The following CIITA variants were observed in gnomAD, a reference collection of about 807,000 sequenced individuals.
The protein encoded by CIITA is class II major histocompatibility complex transactivator.
Under a neutral mutation model 115.1 loss-of-function variants are expected in CIITA, and 72 were observed. That is an observed-to-expected ratio of 0.63 (90% confidence interval 0.52 to 0.76). CIITA has a LOEUF of 0.76. Among genes scored for constraint, CIITA ranks in the 30% least tolerant of loss-of-function variants. The pLI, the probability that CIITA is intolerant of heterozygous loss-of-function variation, is 0.00. For missense variants in CIITA, 1,617 were observed against 1,463.8 expected (o/e 1.10, Z -1.71); for synonymous variants, 763 against 635.6 (o/e 1.20, Z -3.02).
chr16:10,902,844 C>T (rs1352169296), intron 8 of CIITA, 43 bp downstream of exon 8: 1 of 1,611,310 alleles, frequency 6.2e-7, no homozygotes, highest in Non-Finnish European at 8.5e-7. Flanking sequence ...TCCCTCCTAC[C>T]TGACTGCTCC....
intron 13 of CIITA, among the ~76,000 whole-genome samples, chr16:10,911,443 TTTTC>T (rs542074362): frequency 8.5e-4 from 128 of 150,716 alleles, no homozygotes; most frequent in Non-Finnish European, 1.5e-3. Context: ...TCTTTCCTTC[TTTTC>T]TTTCTTTCCT....
Position 10,929,391 on chromosome 16 carries a change from A to G in CIITA, c.*5536A>G, listed in dbSNP as rs1053285147. 3.0e-6 allele frequency: 3 copies of G among 985,810 alleles called. No homozygotes were observed. Among genetic ancestry groups the G allele is most frequent in the African/African-American group, 3.5e-5 (2 of 57,228 alleles). The allele number at this position is 985,810 out of a possible 1,614,324, so 61.1% of individuals were successfully genotyped here. ...AATAATCAGAAGCCAAGGCCAGGCC[A>G]TCGATTTGACACTGCAGGCAGATGA... On this transcript the variant is annotated 3_prime_UTR_variant, in exon 20 of 20. Coordinates refer to ENST00000324288, the MANE Select transcript of CIITA (RefSeq NM_000246.4). This position sits in a 1 kb window ranked among gnomAD's most constrained non-coding sequence, Gnocchi z 4.3.
upstream of CIITA, among the ~76,000 whole-genome samples, chr16:10,875,150 G>C (rs2035746289): frequency 6.6e-6 from 1 of 151,952 alleles, no homozygotes; most frequent in African/African-American, 2.4e-5. Flanking sequence ...GTAGAGAAAG[G>C]ATTTTGCCAC....
At chr16:10,911,360 CTCTCTG>C (rs1369076922) in intron 13 of CIITA, among the ~76,000 whole-genome samples, 86 of 89,762 alleles carry the variant, frequency 9.6e-4, no homozygotes, top group Middle Eastern at 5.1e-3. Flanking sequence ...CTTTTTCTTT[CTCTCTG>C]TTTCTTTCTT....
At position 10,896,504 on chromosome 16, in the gene CIITA, G is replaced by T. The variant is rs1328971487; in HGVS notation, c.295+740G>T. Among the ~76,000 whole-genome samples the T allele has an allele frequency of 4.6e-5, 7 of 152,192 alleles. No homozygotes were observed. The East Asian group carries it at 1.2e-3, about 25-fold the overall frequency. On this transcript the variant is annotated intron_variant, in intron 3 of 19. Coordinates refer to ENST00000324288, the MANE Select transcript of CIITA (RefSeq NM_000246.4). ...GGGGAGAGGTGGTGGTGGTGTTGCT[G>T]CTAGTGGTTTGTTTTTTGGGGGAGA...
chr16:10,919,257 G>T lies in CIITA; in HGVS notation c.3149+731G>T, dbSNP rs1381702093. On this transcript the variant is annotated intron_variant, in intron 16 of 19. Transcript: ENST00000324288. ...CACCCAGGCTGGAGTGAAGTGGTGT[G>T]ATCTCAGCTCACTGCAACTTCTGCC... Among the ~76,000 whole-genome samples the T allele has an allele frequency of 1.1e-4, 11 of 97,792 alleles. No homozygotes were observed. The Admixed American group carries it at 1.4e-3, about 12-fold the overall frequency. The allele number at this position is 97,792 out of a possible 152,430, so 64.2% of individuals were successfully genotyped here.
chr16:10,888,509 C>CG (rs1241300927), intron 1 of CIITA: 1 of 152,238 alleles, frequency 6.6e-6, no homozygotes, highest in Non-Finnish European at 1.5e-5. Flanking sequence ...TGATTTCCCT[C>CG]GGGGGAGAGA....
At chr16:10,910,953 G>A (rs922174202) in intron 13 of CIITA, among the ~76,000 whole-genome samples, 6 of 145,626 alleles carry the variant, frequency 4.1e-5, no homozygotes, top group East Asian at 2.1e-4. Context: ...AAAACTGAAA[G>A]TCTTGCATCC....
chr16:10,917,084 A>G lies in CIITA; in HGVS notation c.3062+625A>G, dbSNP rs1329101354. On this transcript the variant is annotated intron_variant, in intron 15 of 19. Transcript: ENST00000324288. ...AGGAGAGATAGATTAGGATTTATCA[A>G]TAAAGCATTATTATCAAAACAGTAA... 9 of 218,570 alleles carry G rather than the reference A, an allele frequency of 4.1e-5. No individual in the cohort carries two copies. The Admixed American group carries it at 5.1e-4, about 12-fold the overall frequency. The allele number at this position is 218,570 out of a possible 1,614,324, so 13.5% of individuals were successfully genotyped here.
intron 1 of CIITA, chr16:10,888,173 A>T (rs968158899): frequency 1.3e-5 from 2 of 152,252 alleles, no homozygotes; most frequent in Admixed American, 1.3e-4. Context: ...GCTACTGTTC[A>T]TTGAGCACTT....
At chr16:10,869,209 C>G (rs1164946825) in intron 1 of CIITA, among the ~76,000 whole-genome samples, 1 of 152,192 alleles carries the variant, frequency 6.6e-6, no homozygotes, top group Non-Finnish European at 1.5e-5. Flanking sequence ...GGACAATGGC[C>G]CACAAGGCCT....
intron 12 of CIITA, among the ~76,000 whole-genome samples, chr16:10,909,647 C>A (rs1445604414): frequency 3.3e-5 from 5 of 152,246 alleles, no homozygotes; most frequent in African/African-American, 1.2e-4. Flanking sequence ...TTGAGCGCCT[C>A]TTAAGTGCTG....
chr16:10,932,564 G>A lies in CIITA; in HGVS notation c.*8709G>A, dbSNP rs1808357806. On this transcript the variant is annotated 3_prime_UTR_variant, in exon 20 of 20. Transcript: ENST00000324288. Reference sequence around the variant, plus strand: ...TGAGATGGGGGTATCCAATCTTTTGGCTTCCCTGGGCCACAGTGGAAGAAC... The same window carrying A: ...TGAGATGGGGGTATCCAATCTTTTGACTTCCCTGGGCCACAGTGGAAGAAC... 1 of 151,784 alleles carries A rather than the reference G, an allele frequency of 6.6e-6. No individual in the cohort carries two copies. Among genetic ancestry groups the A allele is most frequent in the South Asian group, 2.1e-4 (1 of 4,808 alleles). The allele number at this position is 151,784 out of a possible 1,614,324, so 9.4% of individuals were successfully genotyped here.
chr16:10,929,310 G>C lies in CIITA; in HGVS notation c.*5455G>C. The C allele has an allele frequency of 3.0e-6, 3 of 985,960 alleles. No individual in the cohort carries two copies. Among genetic ancestry groups the C allele is most frequent in the Non-Finnish European group, 3.6e-6 (3 of 829,976 alleles). 61.1% of individuals were successfully genotyped at this position (985,960 alleles called of 1,614,324 possible). ...GGGGGAAGCAGGTGCGCTCCGGGAT[G>C]AAGTGCAGGGAGGCAAACTCTGGCT... On this transcript the variant is annotated 3_prime_UTR_variant, in exon 20 of 20. Coordinates refer to ENST00000324288, the MANE Select transcript of CIITA (RefSeq NM_000246.4). This position sits in a 1 kb window ranked among gnomAD's most constrained non-coding sequence, Gnocchi z 4.3.
chr16:10,883,751 A>G (rs1411226940), intron 1 of CIITA, among the ~76,000 whole-genome samples: 1 of 152,230 alleles, frequency 6.6e-6, no homozygotes, highest in African/African-American at 2.4e-5. Context: ...GGACATTCAC[A>G]GGAGGGAACA....
intron 13 of CIITA, among the ~76,000 whole-genome samples, chr16:10,911,131 C>T (rs1273648910): frequency 6.6e-6 from 1 of 152,148 alleles, no homozygotes; most frequent in African/African-American, 2.4e-5. Flanking sequence ...GGCAGCCCAC[C>T]ATACATGGGC....
Position 10,930,555 on chromosome 16 carries a change from G to A in CIITA, c.*6700G>A, listed in dbSNP as rs183784128. On this transcript the variant is annotated 3_prime_UTR_variant, in exon 20 of 20. Coordinates refer to ENST00000324288, the MANE Select transcript of CIITA (RefSeq NM_000246.4). ...AGGTTCTTATCATTTAATAGGATAAGAAATTGAGGTTCAGAGAAGCCAAGT... is the reference window on the plus strand; with the variant it reads ...AGGTTCTTATCATTTAATAGGATAAAAAATTGAGGTTCAGAGAAGCCAAGT... 127 of 152,354 alleles carry A rather than the reference G, an allele frequency of 8.3e-4. No individual in the cohort carries two copies. Among genetic ancestry groups the A allele is most frequent in the African/African-American group, 3.0e-3 (125 of 41,580 alleles). The allele number at this position is 152,354 out of a possible 1,614,324, so 9.4% of individuals were successfully genotyped here. A position where few individuals can be genotyped will look rare whatever the true frequency, so the allele number is the denominator to read the frequency against.
chr16:10,904,889 T>G (rs926379706), intron 10 of CIITA, 77 bp downstream of exon 10: 2 of 1,434,968 alleles, frequency 1.4e-6, no homozygotes, highest in Non-Finnish European at 9.8e-7. Flanking sequence ...CTCATTCACT[T>G]GACACTTATT....
Position 10,902,769 on chromosome 16 carries a change from G to A in CIITA, c.740G>A (p.Gly247Glu), listed in dbSNP as rs2038873856. 6 of 1,614,188 alleles carry A rather than the reference G, an allele frequency of 3.7e-6. No individual in the cohort carries two copies. The highest frequency in any genetic ancestry group is 3.3e-4 in the Middle Eastern group (2 of 6,062). ...GGGCTCTGGCAAATCTCTGAGGCTG[G>A]AACAGGGGTCTCCAGTATATTCATC... ...PHGLWQISEA[G>E]TGVSSIFIYH... The change falls in exon 8 of 20, where the codon GGA becomes GAA. Residue 247 changes from glycine to glutamate, a missense_variant. By Grantham distance (98) the Gly-to-Glu change is moderately conservative. Transcript: ENST00000324288.
Sources: allele counts gnomAD v4.1 joint callset (sites outside exome capture counted in the v4.1 genomes callset), GRCh38; gene constraint gnomAD v4.1.1; non-coding constraint Gnocchi (gnomAD v3.1); transcripts MANE v1.5; gene names NCBI Gene and HGNC (gene_info 2026-07-23, HGNC 2026-07-21).